ABLIM2: variants seen among roughly 807,000 people sequenced by gnomAD.
ABLIM2 encodes the protein actin binding LIM protein family member 2.
A neutral mutation model predicts 97.7 loss-of-function variants in ABLIM2; 53 were observed. The observed-to-expected ratio is 0.54, with a 90% CI of 0.44 to 0.68. The LOEUF (loss-of-function observed/expected upper bound fraction) is 0.68, where lower values mean the gene tolerates loss of function less well. Among genes scored for constraint, ABLIM2 ranks in the 30% least tolerant of loss-of-function variants. ABLIM2 has a pLI of 0.00. For synonymous variants in ABLIM2, 361 were observed against 345.8 expected (o/e 1.04, Z -0.49); for missense variants, 835 against 867.2 (o/e 0.96, Z 0.47).
At position 8,121,446 on chromosome 4, in the gene ABLIM2, C is replaced by T. The variant is rs547901466; in HGVS notation, c.11-14809G>A. On this transcript the variant is annotated intron_variant, in intron 1 of 20. Transcript: ENST00000447017. The stretch of plus-strand genomic sequence containing the variant: ...TATTCCATCACCAGAAGAGTGCAGC[C>T]GTTCCAGAGCGAGGAGCATCTGAGG... Among the ~76,000 whole-genome samples, 207 of 152,342 alleles carry T rather than the reference C, an allele frequency of 1.4e-3. 4 individuals are homozygous for T. Among genetic ancestry groups the T allele is most frequent in the Middle Eastern group, 3.4e-3 (1 of 294 alleles).
chr4:8,084,114 A>G (rs962439868), intron 4 of ABLIM2, among the ~76,000 whole-genome samples: 2 of 152,196 alleles, frequency 1.3e-5, no homozygotes, highest in African/African-American at 2.4e-5. Context: ...CCGAGCTCCA[A>G]AACTTGAGAG....
chr4:8,006,782 C>T (rs1198547700), intron 16 of ABLIM2, among the ~76,000 whole-genome samples: 3 of 152,212 alleles, frequency 2.0e-5, no homozygotes, highest in South Asian at 2.1e-4. Context: ...AGCCCCATAG[C>T]CCCCTTGCCC....
intron 7 of ABLIM2, among the ~76,000 whole-genome samples, chr4:8,055,229 G>A (rs1170406829): frequency 6.6e-6 from 1 of 152,214 alleles, no homozygotes; most frequent in Non-Finnish European, 1.5e-5. Flanking sequence ...CTCAGTGAAT[G>A]TCAACTCTCT....
At position 8,004,044 on chromosome 4, in the gene ABLIM2, T is replaced by C. The variant is rs76539589; in HGVS notation, c.1618+4015A>G. ...ACGCGAGAAGAACTCTTCTGCCCCATCTTGCAGCTCCAGAGGAGTAAAAAG... is the reference window on the plus strand; with the variant it reads ...ACGCGAGAAGAACTCTTCTGCCCCACCTTGCAGCTCCAGAGGAGTAAAAAG... On this transcript the variant is annotated intron_variant, in intron 16 of 20. Transcript: ENST00000447017. The surrounding 1 kb of genome is among the most constrained non-coding windows in gnomAD (Gnocchi z 5.9). 0.03 allele frequency among the ~76,000 whole-genome samples: 4,573 copies of C among 151,990 alleles called. 117 individuals are homozygous for C. The highest frequency in any genetic ancestry group is 0.066 in the African/African-American group (2,749 of 41,458).
chr4:8,004,634 C>A lies in ABLIM2; in HGVS notation c.1618+3425G>T, dbSNP rs75575599. Among the ~76,000 whole-genome samples, 990 of 152,252 alleles carry A rather than the reference C, an allele frequency of 6.5e-3. 9 individuals are homozygous for A. The highest frequency in any genetic ancestry group is 0.023 in the African/African-American group (947 of 41,538). On this transcript the variant is annotated intron_variant, in intron 16 of 20. Transcript: ENST00000447017. The surrounding 1 kb of genome is among the most constrained non-coding windows in gnomAD (Gnocchi z 5.9). ...GGGGCTAGGAATGTGGGACCCCAAG[C>A]AGCAGCAGGCCCTACTGCCGGGGAC...
chr4:7,993,772 T>C (rs1413704336), intron 16 of ABLIM2, among the ~76,000 whole-genome samples: 2 of 152,216 alleles, frequency 1.3e-5, no homozygotes, highest in Non-Finnish European at 2.9e-5. Flanking sequence ...AATAGAGGGC[T>C]GGTCTGAGAC....
intron 14 of ABLIM2, among the ~76,000 whole-genome samples, chr4:8,011,772 T>C (rs1405625557): frequency 2.6e-5 from 4 of 152,230 alleles, no homozygotes; most frequent in East Asian, 1.9e-4. Flanking sequence ...AGGAACCCTC[T>C]TGGGAAAGGC....
intron 10 of ABLIM2, among the ~76,000 whole-genome samples, chr4:8,030,148 T>C (rs1779976026): frequency 2.0e-5 from 3 of 151,958 alleles, no homozygotes; most frequent in Admixed American, 1.3e-4. Context: ...CCACGGAGAC[T>C]CCCCCAGTCC....
chr4:8,117,221 G>C (rs999349042), intron 1 of ABLIM2, among the ~76,000 whole-genome samples: 1 of 152,200 alleles, frequency 6.6e-6, no homozygotes, highest in East Asian at 1.9e-4. Flanking sequence ...GCTTATTGAG[G>C]TTTAGTGACC....
rs138941554 is a variant in ABLIM2 at position 8,044,956 on chromosome 4, C to A, written c.900+208G>T. Among the ~76,000 whole-genome samples, 4 of 152,254 alleles carry A rather than the reference C, an allele frequency of 2.6e-5. No homozygotes were observed. Among genetic ancestry groups the A allele is most frequent in the Admixed American group, 2.0e-4 (3 of 15,298 alleles). Reference sequence around the variant, plus strand: ...GGGGACAGGTTCCCAGGGGAATTGCCGGGTCAAACAAACATGTCTGTGTTT... The same window carrying A: ...GGGGACAGGTTCCCAGGGGAATTGCAGGGTCAAACAAACATGTCTGTGTTT... On this transcript the variant is annotated intron_variant, in intron 9 of 20. Transcript: ENST00000447017. This position sits in a 1 kb window ranked among gnomAD's most constrained non-coding sequence, Gnocchi z 4.4.
At position 8,085,113 on chromosome 4, in the gene ABLIM2, G is replaced by C. The variant is rs770261604; in HGVS notation, c.454+3056C>G. Among the ~76,000 whole-genome samples, 2 of 152,116 alleles carry C rather than the reference G, an allele frequency of 1.3e-5. No individual in the cohort carries two copies. Among genetic ancestry groups the C allele is most frequent in the Non-Finnish European group, 2.9e-5 (2 of 68,020 alleles). ...TGCGGCCCACCCTAAAGGATTTCTT[G>C]TTCCTAAGTGGCCTGCTTGGGGCAG... On this transcript the variant is annotated intron_variant, in intron 4 of 20. Transcript: ENST00000447017. This position sits in a 1 kb window ranked among gnomAD's most constrained non-coding sequence, Gnocchi z 6.1.
chr4:8,091,931 A>G (rs1156647553), intron 3 of ABLIM2, among the ~76,000 whole-genome samples: 1 of 123,082 alleles, frequency 8.1e-6, no homozygotes, highest in East Asian at 2.1e-4. Flanking sequence ...TATAATGTAT[A>G]TTATAATATA....
intron 14 of ABLIM2, chr4:8,010,555 C>G (rs998238426): frequency 1.0e-6 from 1 of 985,800 alleles, no homozygotes; most frequent in Non-Finnish European, 1.2e-6. Flanking sequence ...AGGACCTTGA[C>G]AAGATAAGGC....
intron 6 of ABLIM2, among the ~76,000 whole-genome samples, chr4:8,063,664 T>C (rs1580254868): frequency 6.6e-6 from 1 of 152,356 alleles, no homozygotes; most frequent in Non-Finnish European, 1.5e-5. Context: ...AGCCTGGCTG[T>C]CCGCAAGTCC....
rs1205179151 is a variant in ABLIM2, at chr4:8,120,799, C to A, written c.11-14162G>T. ...TAACCTAGCGACCATCACAGCTCAG[C>A]CCAGCCTACCGGAAACATGCTCAGA... On this transcript the variant is annotated intron_variant, in intron 1 of 20. Coordinates refer to ENST00000447017, the MANE Select transcript of ABLIM2 (RefSeq NM_001130083.2). This position sits in a 1 kb window ranked among gnomAD's most constrained non-coding sequence, Gnocchi z 5.6. Among the ~76,000 whole-genome samples the A allele has an allele frequency of 6.6e-5, 10 of 152,190 alleles. No individual in the cohort carries two copies. The highest frequency in any genetic ancestry group is 1.2e-4 in the Non-Finnish European group (8 of 68,040).
At chr4:8,079,306 G>A (rs948030915) in intron 5 of ABLIM2, among the ~76,000 whole-genome samples, 2 of 152,190 alleles carry the variant, frequency 1.3e-5, no homozygotes, top group Non-Finnish European at 2.9e-5. Flanking sequence ...CAACACCAAC[G>A]CCCTCCTTGT....
At position 7,992,892 on chromosome 4, in the gene ABLIM2, G is replaced by T. The variant is rs770119507; in HGVS notation, c.1654C>A (p.His552Asn). 3.1e-6 allele frequency: 5 copies of T among 1,613,102 alleles called. No individual in the cohort carries two copies. The East Asian group carries it at 1.1e-4, about 36-fold the overall frequency. ...PYSKSDPLPG[H>N]GKNGLDQRNA... is the part of the protein sequence containing the mutation. ...CGCTGGTCCAAGCCATTCTTTCCATGTCCTGGGAGAGGGTCAGATTTGGAA... is the reference window on the plus strand; with the variant it reads ...CGCTGGTCCAAGCCATTCTTTCCATTTCCTGGGAGAGGGTCAGATTTGGAA... The change falls in exon 17 of 21, where the codon CAT becomes AAT. Residue 552 changes from histidine to asparagine, a missense_variant. Physicochemically the swap from His to Asn is moderately conservative, Grantham distance 68 (BLOSUM62 1). Transcript: ENST00000447017. The surrounding 1 kb of genome is among the most constrained non-coding windows in gnomAD (Gnocchi z 5.7).
At position 8,015,894 on chromosome 4, in the gene ABLIM2, T is replaced by C. The variant is rs539574202; in HGVS notation, c.1423+3724A>G. Among the ~76,000 whole-genome samples the C allele has an allele frequency of 2.1e-4, 32 of 152,192 alleles. No individual in the cohort carries two copies. Among genetic ancestry groups the C allele is most frequent in the Non-Finnish European group, 4.1e-4 (28 of 68,038 alleles). On this transcript the variant is annotated intron_variant, in intron 14 of 20. Transcript: ENST00000447017. This position sits in a 1 kb window ranked among gnomAD's most constrained non-coding sequence, Gnocchi z 4.6. ...TTTATTTTTATTTTTGAGTTTTTCA[T>C]CTTTTATGCATATTTTCCTAAATTT...
chr4:8,105,354 C>T (rs912827353), intron 2 of ABLIM2, among the ~76,000 whole-genome samples: 2 of 152,222 alleles, frequency 1.3e-5, no homozygotes, highest in South Asian at 4.1e-4. Flanking sequence ...ACATTATCTC[C>T]CTCAGCAGAC....
Sources: gnomAD v4.1 joint callset for allele counts (sites outside exome capture counted in the v4.1 genomes callset) on GRCh38, gnomAD v4.1.1 for gene constraint, Gnocchi (gnomAD v3.1) non-coding constraint, MANE v1.5 for transcripts, NCBI Gene and HGNC (gene_info 2026-07-23, HGNC 2026-07-21) for gene names.